The following RPSA2 variants were observed in gnomAD, a reference collection of about 807,000 sequenced individuals.
RPSA2 encodes ribosomal protein SA 2.
At chr19:23,761,937 A>T in the RPSA2 span, among the ~76,000 whole-genome samples, 70 of 4,014 alleles carry the variant, frequency 0.017, no homozygotes, top group East Asian at 0.045. Flanking sequence ...TTTTTTTTTG[A>T]GATGGAGTCT....
At chr19:23,780,663 A>AC in the RPSA2 span, among the ~76,000 whole-genome samples, 1 of 151,622 alleles carries the variant, frequency 6.6e-6, no homozygotes, top group African/African-American at 2.4e-5. Flanking sequence ...ACAAAACAAA[A>AC]AACAAAACTG....
At chr19:23,852,762 G>A in the RPSA2 span, among the ~76,000 whole-genome samples, 8 of 152,342 alleles carry the variant, frequency 5.3e-5, no homozygotes, top group Admixed American at 2.0e-4. Flanking sequence ...TTTATGGCCA[G>A]ATTTTGGGGG....
chr19:23,796,133 A>G, the RPSA2 span, among the ~76,000 whole-genome samples: 2 of 152,232 alleles, frequency 1.3e-5, no homozygotes, highest in African/African-American at 4.8e-5. Context: ...ATTGTAAAGT[A>G]TGTACTTTTA....
the RPSA2 span, among the ~76,000 whole-genome samples, chr19:23,812,900 A>T: frequency 1.3e-5 from 2 of 152,228 alleles, no homozygotes; most frequent in South Asian, 4.2e-4. Context: ...AAAACATGTA[A>T]CATGTAATTT....
chr19:23,833,370 C>A, the RPSA2 span: 1 of 233,192 alleles, frequency 4.3e-6, no homozygotes, highest in Non-Finnish European at 7.3e-6. Flanking sequence ...GTTATTTATA[C>A]TGGAGAGAAA....
chr19:23,792,874 A>G, the RPSA2 span, among the ~76,000 whole-genome samples: 1 of 152,162 alleles, frequency 6.6e-6, no homozygotes, highest in Non-Finnish European at 1.5e-5. Context: ...AGAAAAGCAA[A>G]CAAGATTAGA....
At chr19:23,780,568 G>A in the RPSA2 span, among the ~76,000 whole-genome samples, 1 of 152,132 alleles carries the variant, frequency 6.6e-6, no homozygotes, top group African/African-American at 2.4e-5. Context: ...GCATGAACCT[G>A]GGGGATGGAG....
At chr19:23,759,721 A>C in the RPSA2 span, among the ~76,000 whole-genome samples, 4 of 151,642 alleles carry the variant, frequency 2.6e-5, no homozygotes, top group Non-Finnish European at 4.4e-5. Flanking sequence ...ACGGGGTTTC[A>C]CTATGTTGGC....
the RPSA2 span, chr19:23,843,097 T>C: frequency 6.5e-6 from 1 of 153,440 alleles, no homozygotes; most frequent in Non-Finnish European, 1.5e-5. Flanking sequence ...TTCATAATAT[T>C]CTCTCCTCTG....
the RPSA2 span, chr19:23,828,115 TA>T: frequency 2.8e-5 from 11 of 391,222 alleles, no homozygotes; most frequent in African/African-American, 2.4e-4. Flanking sequence ...CATCAGTTTC[TA>T]AAAAAAAAAA....
chr19:23,861,659 G>T, the RPSA2 span, among the ~76,000 whole-genome samples: 2 of 151,996 alleles, frequency 1.3e-5, no homozygotes, highest in Non-Finnish European at 2.9e-5. Flanking sequence ...GTCAGTTCAC[G>T]TACTAACATG....
chr19:23,765,593 A>C, the RPSA2 span, among the ~76,000 whole-genome samples: 2 of 152,226 alleles, frequency 1.3e-5, no homozygotes, highest in East Asian at 3.9e-4. Context: ...TAATGGGAAC[A>C]CATAGACCCG....
the RPSA2 span, among the ~76,000 whole-genome samples, chr19:23,797,569 T>G: frequency 6.6e-6 from 1 of 152,204 alleles, no homozygotes; most frequent in African/African-American, 2.4e-5. Flanking sequence ...TTTGTCAAGC[T>G]GAAGAGTTCT....
chr19:23,795,998 C>T, the RPSA2 span, among the ~76,000 whole-genome samples: 5 of 152,216 alleles, frequency 3.3e-5, no homozygotes, highest in East Asian at 1.9e-4. Context: ...CTCCTGACCT[C>T]GGGTGATCCG....
chr19:23,820,000 A>C, the RPSA2 span, among the ~76,000 whole-genome samples: 1 of 152,224 alleles, frequency 6.6e-6, no homozygotes, highest in Admixed American at 6.5e-5. Context: ...GTCTCTTAAC[A>C]GTACTTTAGT....
At chr19:23,767,772 T>C in the RPSA2 span, among the ~76,000 whole-genome samples, 46 of 143,348 alleles carry the variant, frequency 3.2e-4, no homozygotes, top group Non-Finnish European at 5.8e-4. Flanking sequence ...TTTTTTTTTT[T>C]TTTTTTTTTT....
chr19:23,804,422 G>A, the RPSA2 span, among the ~76,000 whole-genome samples: 1 of 150,538 alleles, frequency 6.6e-6, no homozygotes, highest in Non-Finnish European at 1.5e-5. Flanking sequence ...TCAGCCTCCT[G>A]AGTAGCTGGG....
chr19:23,845,792 G>C, the RPSA2 span, among the ~76,000 whole-genome samples: 1 of 152,110 alleles, frequency 6.6e-6, no homozygotes, highest in Non-Finnish European at 1.5e-5. Context: ...ACCTCTGGCT[G>C]GCCATCCTAA....
the RPSA2 span, chr19:23,833,362 T>G: frequency 8.1e-6 from 2 of 247,460 alleles, no homozygotes; most frequent in Non-Finnish European, 1.3e-5. Context: ...GACATAAGGT[T>G]ATTTATACTG....
Sources: allele counts gnomAD v4.1 joint callset (sites outside exome capture counted in the v4.1 genomes callset), GRCh38; gene constraint gnomAD v4.1.1; transcripts MANE v1.5; gene names NCBI Gene and HGNC (gene_info 2026-07-23, HGNC 2026-07-21).